MAP2: variants seen among roughly 807,000 people sequenced by gnomAD.
MAP2 encodes microtubule-associated protein 2.
A neutral mutation model predicts 137.6 loss-of-function variants in MAP2; 14 were observed. The observed-to-expected ratio is 0.10, with a 90% CI of 0.07 to 0.16. The LOEUF is 0.16. Ranked by LOEUF, MAP2 falls within the 10% of genes least tolerant of loss-of-function variation. The probability of loss-of-function intolerance (pLI) is 1.00; values close to 1 mark genes in which losing one functional copy is unlikely to be tolerated. For synonymous variants in MAP2, 786 were observed against 782.3 expected (o/e 1.00, Z -0.08); for missense variants, 2,088 against 2,191.5 (o/e 0.95, Z 0.94).
intron 2 of MAP2, among the ~76,000 whole-genome samples, chr2:209,534,988 C>G (rs1377295950): frequency 6.6e-6 from 1 of 152,044 alleles, no homozygotes; most frequent in East Asian, 1.9e-4. Flanking sequence ...ATATGTGCAC[C>G]ATTGCCACAG....
intron 5 of MAP2, among the ~76,000 whole-genome samples, chr2:209,670,922 C>T (rs2048551827): frequency 6.6e-6 from 1 of 151,876 alleles, no homozygotes; most frequent in African/African-American, 2.4e-5. Flanking sequence ...TTCTATCCCC[C>T]ACTAGTGACT....
intron 2 of MAP2, among the ~76,000 whole-genome samples, chr2:209,515,598 C>T (rs929811998): frequency 7.2e-5 from 11 of 151,940 alleles, no homozygotes; most frequent in Admixed American, 2.0e-4. Flanking sequence ...TGGGAGAAAC[C>T]GCGCCCATGA....
At chr2:209,642,162 G>T (rs2094084858) in intron 4 of MAP2, among the ~76,000 whole-genome samples, 2 of 152,014 alleles carry the variant, frequency 1.3e-5, no homozygotes, top group Non-Finnish European at 2.9e-5. Flanking sequence ...CATAAAATGG[G>T]CTGGGCACAG....
At chr2:209,520,116 T>C (rs1023737293) in intron 2 of MAP2, among the ~76,000 whole-genome samples, 5 of 152,064 alleles carry the variant, frequency 3.3e-5, no homozygotes, top group African/African-American at 1.2e-4. Context: ...CCCCATCCTT[T>C]TTTATAGCAG....
At chr2:209,686,614 T>A (rs1038656429) in intron 7 of MAP2, among the ~76,000 whole-genome samples, 2 of 152,168 alleles carry the variant, frequency 1.3e-5, no homozygotes, top group Non-Finnish European at 2.9e-5. Context: ...AGATGTAACG[T>A]CTGCACCACA....
intron 3 of MAP2, among the ~76,000 whole-genome samples, chr2:209,602,086 C>T (rs941258275): frequency 6.6e-6 from 1 of 152,154 alleles, no homozygotes; most frequent in African/African-American, 2.4e-5. Context: ...TTTTTCTAAA[C>T]TGCTTGTCAC....
At chr2:209,462,288 A>G (rs997612614) in intron 1 of MAP2, among the ~76,000 whole-genome samples, 8 of 152,198 alleles carry the variant, frequency 5.3e-5, no homozygotes. Flanking sequence ...GCAAGATCAG[A>G]AAAAATAAAG....
Position 209,678,639 on chromosome 2 carries a change from A to G in MAP2, c.330A>G (p.Gln110=). ...AEAVAVLKGE[Q]EKEAQHKDQT... ...CTGTAGCAGTCCTGAAAGGTGAACA[A>G]GAGAAAGAAGCTCAACATAAAGACC... The change falls in exon 6 of 16, where the codon CAA becomes CAG. Residue 110 remains glutamine, a synonymous_variant. Transcript: ENST00000682079. The G allele has an allele frequency of 1.9e-6, 3 of 1,606,550 alleles. No homozygotes were observed. Among genetic ancestry groups the G allele is most frequent in the Admixed American group, 1.7e-5 (1 of 59,014 alleles).
chr2:209,571,632 C>T (rs1219704411), intron 2 of MAP2, among the ~76,000 whole-genome samples: 1 of 151,946 alleles, frequency 6.6e-6, no homozygotes, highest in Non-Finnish European at 1.5e-5. Flanking sequence ...GAGATTATGA[C>T]TTCAGGAATT....
intron 1 of MAP2, among the ~76,000 whole-genome samples, chr2:209,505,609 T>G (rs887682801): frequency 2.0e-5 from 3 of 152,082 alleles, no homozygotes; most frequent in African/African-American, 7.2e-5. Flanking sequence ...GCAAACCACT[T>G]TAATAGTTTT....
At chr2:209,476,033 T>C (rs1181939199) in intron 1 of MAP2, among the ~76,000 whole-genome samples, 1 of 152,144 alleles carries the variant, frequency 6.6e-6, no homozygotes, top group Non-Finnish European at 1.5e-5. Flanking sequence ...ATTGAATGTA[T>C]TTTACTATTC....
intron 4 of MAP2, among the ~76,000 whole-genome samples, chr2:209,649,207 G>T (rs538804272): frequency 1.4e-4 from 21 of 151,732 alleles, no homozygotes; most frequent in Admixed American, 9.8e-4. Context: ...GTAGAGATGG[G>T]GGTCTCACTA....
chr2:209,617,303 C>A (rs548399276), intron 3 of MAP2, among the ~76,000 whole-genome samples: 1 of 152,220 alleles, frequency 6.6e-6, no homozygotes, highest in Non-Finnish European at 1.5e-5. Context: ...AGCCAATGAG[C>A]AGAGTGAGGG....
chr2:209,665,593 C>G (rs576173734), intron 5 of MAP2, among the ~76,000 whole-genome samples: 64 of 152,208 alleles, frequency 4.2e-4, no homozygotes, highest in African/African-American at 1.5e-3. Flanking sequence ...AAGGAGTATA[C>G]CAGTATCGTC....
rs1235694935 is a variant in MAP2, at chr2:209,597,210, T to G, written c.-107+17110T>G. ...TCTTATAATATATTTCTATTTTGTT[T>G]AAGCCACTGTTAATTGGGGTTTTTC... On this transcript the variant is annotated intron_variant, in intron 3 of 15. Transcript: ENST00000682079. Among the ~76,000 whole-genome samples the G allele has an allele frequency of 3.3e-5, 5 of 152,192 alleles. No individual in the cohort carries two copies. In the South Asian group the frequency reaches 6.2e-4, roughly 19 times the overall value.
chr2:209,542,456 C>G (rs2067228958), intron 2 of MAP2, among the ~76,000 whole-genome samples: 1 of 152,242 alleles, frequency 6.6e-6, no homozygotes, highest in Non-Finnish European at 1.5e-5. Context: ...TAGCCTCTAA[C>G]AGGAGAGTCA....
At chr2:209,617,787 G>T (rs1329282831) in intron 3 of MAP2, among the ~76,000 whole-genome samples, 3 of 152,020 alleles carry the variant, frequency 2.0e-5, no homozygotes, top group Non-Finnish European at 4.4e-5. Context: ...TGGGGGTGGG[G>T]GAGGATATAA....
At chr2:209,446,755 A>G (rs974776217) in intron 1 of MAP2, among the ~76,000 whole-genome samples, 5 of 151,870 alleles carry the variant, frequency 3.3e-5, no homozygotes, top group Admixed American at 2.0e-4. Context: ...TGTGAAACCA[A>G]TAATAGTAGG....
chr2:209,697,196 T>C (rs2060398783), intron 10 of MAP2, 145 bp downstream of exon 10: 4 of 738,956 alleles, frequency 5.4e-6, no homozygotes, highest in Non-Finnish European at 8.3e-6. Context: ...GTGTCTTGTA[T>C]CATTATTCTT....
Sources: allele counts gnomAD v4.1 joint callset (sites outside exome capture counted in the v4.1 genomes callset), GRCh38; gene constraint gnomAD v4.1.1; transcripts MANE v1.5; gene names NCBI Gene and HGNC (gene_info 2026-07-23, HGNC 2026-07-21).